The following SPTBN1 variants were observed in gnomAD, a reference collection of about 807,000 sequenced individuals.
SPTBN1 encodes the protein spectrin beta chain, non-erythrocytic 1.
In SPTBN1, 32 loss-of-function variants were observed where a neutral mutation model predicts 266.4. The observed-to-expected ratio is 0.12, with a 90% CI of 0.09 to 0.16. The LOEUF (loss-of-function observed/expected upper bound fraction) is 0.16, where lower values mean the gene tolerates loss of function less well. Among genes scored for constraint, SPTBN1 ranks in the 10% least tolerant of loss-of-function variants. The probability of loss-of-function intolerance (pLI) is 1.00; values close to 1 mark genes in which losing one functional copy is unlikely to be tolerated. For synonymous variants in SPTBN1, 1,336 were observed against 1,162.2 expected (o/e 1.15, Z -3.04); for missense variants, 2,296 against 3,067.1 (o/e 0.75, Z 5.94).
Position 54,607,343 on chromosome 2 carries a change from G to A in SPTBN1, c.301-4818G>A, listed in dbSNP as rs574243970. Among the ~76,000 whole-genome samples, 20 of 152,256 alleles carry A rather than the reference G, an allele frequency of 1.3e-4. No homozygotes were observed. In the East Asian group the frequency reaches 3.9e-3, roughly 29 times the overall value. The stretch of plus-strand genomic sequence containing the variant: ...AGCCATGATTTAAAATATATGGGAG[G>A]CCGGGGGGCTGGCTCACGCCTGTAA... On this transcript the variant is annotated intron_variant, in intron 3 of 35. Transcript: ENST00000356805.
intron 2 of SPTBN1, among the ~76,000 whole-genome samples, chr2:54,530,188 T>C (rs1216250175): frequency 1.3e-5 from 2 of 152,070 alleles, no homozygotes; most frequent in African/African-American, 4.8e-5. Context: ...TTTAATGGTG[T>C]AGTTCATCTT....
intron 18 of SPTBN1, among the ~76,000 whole-genome samples, chr2:54,639,102 G>A (rs1435508697): frequency 6.6e-6 from 1 of 152,246 alleles, no homozygotes; most frequent in African/African-American, 2.4e-5. Context: ...CTGAAGACAG[G>A]AGTGCCTCTT....
chr2:54,571,637 C>G (rs1033832483), intron 2 of SPTBN1, among the ~76,000 whole-genome samples: 1 of 151,994 alleles, frequency 6.6e-6, no homozygotes, highest in Non-Finnish European at 1.5e-5. Flanking sequence ...AGCTGGCTGC[C>G]TATTACTGTG....
At chr2:54,661,887 A>T (rs1020571579) in intron 32 of SPTBN1, 1 of 985,366 alleles carries the variant, frequency 1.0e-6, no homozygotes, top group Non-Finnish European at 1.2e-6. Context: ...TATCATGCCT[A>T]TTTTTATCTA....
At chr2:54,530,823 G>A (rs1490494224) in intron 2 of SPTBN1, among the ~76,000 whole-genome samples, 1 of 152,156 alleles carries the variant, frequency 6.6e-6, no homozygotes, top group Non-Finnish European at 1.5e-5. Flanking sequence ...TGATGGGAGT[G>A]TCTTTTGTTA....
rs1670513167 is a variant in SPTBN1 at position 54,522,645 on chromosome 2, A to AG, written c.-47-3727_-47-3726insG. ...GACTCTGTCTCAAAAAGAAAGAAAGAAAGAGAGAGAGAAAGAGAGAGAGAG... is the reference window on the plus strand; with the variant it reads ...GACTCTGTCTCAAAAAGAAAGAAAGAGAAGAGAGAGAGAAAGAGAGAGAGAG... On this transcript the variant is annotated intron_variant, in intron 1 of 35. Transcript: ENST00000356805. Among the ~76,000 whole-genome samples, 14 of 77,332 alleles carry AG rather than the reference A, an allele frequency of 1.8e-4. No homozygotes were observed. In the South Asian group the frequency reaches 5.1e-3, roughly 28 times the overall value. The allele number at this position is 77,332 out of a possible 152,430, so 50.7% of individuals were successfully genotyped here. A position where few individuals can be genotyped will look rare whatever the true frequency, so the allele number is the denominator to read the frequency against.
rs76907296 is a variant in SPTBN1 at position 54,631,116 on chromosome 2, G to A, written c.3069G>A (p.Glu1023=). ...SDLQKEAEKL[E]SEHPDQAQAI... is the part of the protein sequence containing the mutation. ...TGCAGAAGGAGGCGGAGAAGCTGGA[G>A]TCCGAGCACCCCGACCAGGCCCAGG... The change falls in exon 16 of 36, where the codon GAG becomes GAA. Residue 1023 remains glutamate, a synonymous_variant. Coordinates refer to ENST00000356805, the MANE Select transcript of SPTBN1 (RefSeq NM_003128.3). 4.3e-6 allele frequency: 7 copies of A among 1,614,092 alleles called. No homozygotes were observed. In the African/African-American group the frequency reaches 9.3e-5, roughly 22 times the overall value.
intron 29 of SPTBN1, among the ~76,000 whole-genome samples, chr2:54,657,234 TC>T (rs1680729217): frequency 6.6e-6 from 1 of 152,208 alleles, no homozygotes; most frequent in Non-Finnish European, 1.5e-5. Context: ...TCTGTAGTGT[TC>T]CCATATCCTT....
intron 17 of SPTBN1, 37 bp from the exon 18 acceptor site, chr2:54,637,675 TC>T (rs748701535): frequency 4.7e-6 from 7 of 1,503,482 alleles, no homozygotes; most frequent in Admixed American, 1.7e-5. Flanking sequence ...ATTCTCTACT[TC>T]CTTTTTTAAA....
At chr2:54,617,418 A>G (rs1452441869) in intron 5 of SPTBN1, among the ~76,000 whole-genome samples, 190 bp from the exon 6 acceptor site, 2 of 152,212 alleles carry the variant, frequency 1.3e-5, no homozygotes, top group African/African-American at 4.8e-5. Flanking sequence ...ACATGGATGC[A>G]TGTTTTATTT....
At chr2:54,634,277 A>G (rs79355093) in intron 17 of SPTBN1, among the ~76,000 whole-genome samples, 2 of 152,300 alleles carry the variant, frequency 1.3e-5, no homozygotes, top group East Asian at 3.9e-4. Flanking sequence ...TTGGAAGCAG[A>G]TGATGCTGTC....
At chr2:54,642,914 C>T in intron 18 of SPTBN1, 69 bp from the exon 19 acceptor site, 2 of 1,561,212 alleles carry the variant, frequency 1.3e-6, no homozygotes, top group East Asian at 2.3e-5. Flanking sequence ...ATAAACACAA[C>T]CCTTTCCAGG....
intron 2 of SPTBN1, among the ~76,000 whole-genome samples, chr2:54,568,552 C>T (rs1196085395): frequency 6.6e-6 from 1 of 152,036 alleles, no homozygotes; most frequent in Non-Finnish European, 1.5e-5. Context: ...TAGTATTGCT[C>T]TAGAAGATTA....
In SPTBN1 at chr2:54,472,022, GTTTTT is replaced by G. The variant is rs768988675; in HGVS notation, c.-48+15523_-48+15527del. On this transcript the variant is annotated intron_variant, in intron 1 of 35. Transcript: ENST00000356805. ...GAATAAAAACTGGGGCCCTGAAGAT[GTTTTT>G]TTTTTTTTTTTTTTTTTTGAGACTG... Among the ~76,000 whole-genome samples the G allele has an allele frequency of 7.0e-3, 466 of 66,812 alleles. 4 individuals carry two copies. The highest frequency in any genetic ancestry group is 0.028 in the African/African-American group (434 of 15,632). The allele number at this position is 66,812 out of a possible 152,430, so 43.8% of individuals were successfully genotyped here.
chr2:54,626,587 G>T lies in SPTBN1; in HGVS notation c.1644+353G>T, dbSNP rs140496697. Reference sequence around the variant, plus strand: ...CTGTGAGTGAGTGGTACTACTTTGGGCAGGGGTCCCGGAGAGGTGGTATGG... The same window carrying T: ...CTGTGAGTGAGTGGTACTACTTTGGTCAGGGGTCCCGGAGAGGTGGTATGG... On this transcript the variant is annotated intron_variant, in intron 12 of 35. Coordinates refer to ENST00000356805, the MANE Select transcript of SPTBN1 (RefSeq NM_003128.3). This position sits in a 1 kb window ranked among gnomAD's most constrained non-coding sequence, Gnocchi z 4.7. 1.3e-3 allele frequency among the ~76,000 whole-genome samples: 195 copies of T among 152,258 alleles called. 3 individuals carry two copies. In the South Asian group the frequency reaches 0.036, roughly 28 times the overall value.
chr2:54,582,238 T>C (rs1674970612), intron 2 of SPTBN1, among the ~76,000 whole-genome samples: 1 of 151,856 alleles, frequency 6.6e-6, no homozygotes, highest in African/African-American at 2.4e-5. Flanking sequence ...TATTGGGGGG[T>C]TGTGATGCCA....
chr2:54,636,383 A>C (rs569694791), intron 17 of SPTBN1, among the ~76,000 whole-genome samples: 3 of 152,334 alleles, frequency 2.0e-5, no homozygotes, highest in African/African-American at 7.2e-5. Flanking sequence ...ATGTTATAAC[A>C]TGTAAATATG....
intron 1 of SPTBN1, among the ~76,000 whole-genome samples, chr2:54,511,486 G>A (rs1223186468): frequency 6.6e-6 from 1 of 152,186 alleles, no homozygotes; most frequent in Admixed American, 6.5e-5. Flanking sequence ...TTTTTCCACT[G>A]ACGGGTTGTG....
chr2:54,590,283 A>G (rs985644439), intron 2 of SPTBN1, among the ~76,000 whole-genome samples: 1 of 152,252 alleles, frequency 6.6e-6, no homozygotes, highest in Admixed American at 6.5e-5. Context: ...ATACAATGAC[A>G]ACATTTAACT....
Sources: gnomAD v4.1 joint callset for allele counts (sites outside exome capture counted in the v4.1 genomes callset) on GRCh38, gnomAD v4.1.1 for gene constraint, Gnocchi (gnomAD v3.1) non-coding constraint, MANE v1.5 for transcripts, NCBI Gene and HGNC (gene_info 2026-07-23, HGNC 2026-07-21) for gene names.